The following LUC7L2 variants were observed in gnomAD, a reference collection of about 807,000 sequenced individuals.
LUC7L2 encodes LUC7 like 2, pre-mRNA splicing factor, also known as putative RNA-binding protein Luc7-like 2.
Under a neutral mutation model 52.8 loss-of-function variants are expected in LUC7L2, and 25 were observed. That is an observed-to-expected ratio of 0.47 (90% CI 0.34 to 0.66). The LOEUF is 0.66. LUC7L2 is among the 30% of genes least tolerant of loss of function. LUC7L2 has a pLI of 0.01. For synonymous variants in LUC7L2, 144 were observed against 160.9 expected, an observed-to-expected ratio of 0.89 and a Z score of 0.80; for missense variants, 328 against 497.8, an observed-to-expected ratio of 0.66 and a Z score of 3.25.
chr7:139,413,046 C>T (rs1795438209), intron 8 of LUC7L2, among the ~76,000 whole-genome samples: 1 of 152,158 alleles, frequency 6.6e-6, no homozygotes, highest in Non-Finnish European at 1.5e-5. Context: ...GTTTAGTATA[C>T]CCTCCAGTCT....
chr7:139,397,295 C>T lies in LUC7L2; in HGVS notation c.157-1304C>T, dbSNP rs866227016. On this transcript the variant is annotated intron_variant, in intron 2 of 9. Coordinates refer to ENST00000354926, the MANE Select transcript of LUC7L2 (RefSeq NM_016019.5). ...TTTAGATCCAGTTTAATTGTATCCT[C>T]TTCAGAAAGGTCTTCTCTGACCAAC... Among the ~76,000 whole-genome samples, 4 of 152,210 alleles carry T rather than the reference C, an allele frequency of 2.6e-5. No individual in the cohort carries two copies. In the South Asian group the frequency reaches 8.3e-4, roughly 31 times the overall value.
intron 2 of LUC7L2, among the ~76,000 whole-genome samples, chr7:139,397,649 A>G (rs1483090730): frequency 1.3e-5 from 2 of 152,202 alleles, no homozygotes; most frequent in Non-Finnish European, 2.9e-5. Flanking sequence ...TCATACCTGT[A>G]ATGATCCTTG....
At chr7:139,399,614 C>T (rs1284103065) in intron 3 of LUC7L2, among the ~76,000 whole-genome samples, 3 of 151,558 alleles carry the variant, frequency 2.0e-5, no homozygotes, top group East Asian at 1.9e-4. Flanking sequence ...GGACTACAGG[C>T]GCCTGCCACC....
intron 3 of LUC7L2, among the ~76,000 whole-genome samples, 185 bp from the exon 4 acceptor site, chr7:139,401,952 C>T (rs1302703171): frequency 6.6e-6 from 1 of 152,028 alleles, no homozygotes; most frequent in Non-Finnish European, 1.5e-5. Context: ...AGAGTTTCGC[C>T]AAGTTGGCCA....
intron 2 of LUC7L2, among the ~76,000 whole-genome samples, chr7:139,389,767 A>G (rs1443000221): frequency 6.6e-6 from 1 of 152,224 alleles, no homozygotes; most frequent in Non-Finnish European, 1.5e-5. Context: ...TGGGGCTGTT[A>G]CAATGATCAA....
chr7:139,382,412 T>A (rs1801080149), intron 2 of LUC7L2, among the ~76,000 whole-genome samples: 1 of 151,322 alleles, frequency 6.6e-6, no homozygotes, highest in Non-Finnish European at 1.5e-5. Context: ...TGAGACAGTC[T>A]CTCCCTGTCA....
chr7:139,402,044 G>A (rs768666898), intron 3 of LUC7L2, 93 bp from the exon 4 acceptor site: 84 of 1,345,368 alleles, frequency 6.2e-5, no homozygotes, highest in Non-Finnish European at 8.0e-5. Context: ...CACCATGGTA[G>A]CATTTTAAAA....
chr7:139,375,477 G>T (rs1026857998), intron 1 of LUC7L2: 1 of 985,290 alleles, frequency 1.0e-6, no homozygotes, highest in Non-Finnish European at 1.2e-6. Flanking sequence ...TCTTAAACGC[G>T]TTATTCTACC....
chr7:139,405,613 A>T (rs745527041), intron 4 of LUC7L2, 31 bp from the exon 5 acceptor site: 2 of 1,564,184 alleles, frequency 1.3e-6, no homozygotes, highest in African/African-American at 1.4e-5. Flanking sequence ...TCTCTTGTTT[A>T]TTCATGATCT....
intron 1 of LUC7L2, chr7:139,345,627 C>T (rs1167860749): frequency 9.3e-6 from 15 of 1,613,960 alleles, no homozygotes; most frequent in African/African-American, 5.3e-5. Context: ...CAAGGGTGAG[C>T]GCTCGGTGGA....
intron 4 of LUC7L2, among the ~76,000 whole-genome samples, chr7:139,402,941 C>A (rs1053515223): frequency 2.0e-5 from 3 of 152,178 alleles, no homozygotes; most frequent in Admixed American, 6.6e-5. Flanking sequence ...TCTTTACCCC[C>A]ACCCAGCATC....
intron 1 of LUC7L2, among the ~76,000 whole-genome samples, chr7:139,350,184 C>T (rs942572570): frequency 7.9e-5 from 12 of 152,046 alleles, no homozygotes; most frequent in South Asian, 2.1e-4. Flanking sequence ...TGCAGTGGCG[C>T]GATCTCTGCT....
Position 139,361,963 on chromosome 7 carries a change from A to G in LUC7L2, c.61+1641A>G, listed in dbSNP as rs114932438. Among the ~76,000 whole-genome samples, 381 of 152,312 alleles carry G rather than the reference A, an allele frequency of 2.5e-3. 3 individuals carry two copies. The highest frequency in any genetic ancestry group is 8.7e-3 in the African/African-American group (362 of 41,562). ...GAGGGTAGTTGGATCAAGGTAAACCATCTCCTGATAAGTTTCTGAATTAGG... is the reference window on the plus strand; with the variant it reads ...GAGGGTAGTTGGATCAAGGTAAACCGTCTCCTGATAAGTTTCTGAATTAGG... On this transcript the variant is annotated intron_variant, in intron 1 of 9. Coordinates refer to ENST00000354926, the MANE Select transcript of LUC7L2 (RefSeq NM_016019.5).
intron 2 of LUC7L2, among the ~76,000 whole-genome samples, chr7:139,397,879 G>A (rs535852800): frequency 2.0e-5 from 3 of 152,246 alleles, no homozygotes; most frequent in African/African-American, 7.2e-5. Flanking sequence ...CTTATTATAA[G>A]TGGGATTAAA....
At chr7:139,341,575 G>T (rs776281314) in intron 1 of LUC7L2, 4 of 1,591,830 alleles carry the variant, frequency 2.5e-6, no homozygotes, top group African/African-American at 2.7e-5. Context: ...AGGAAGAGCC[G>T]GGTCTGGGCT....
intron 2 of LUC7L2, among the ~76,000 whole-genome samples, chr7:139,378,803 C>A (rs1486958690): frequency 6.6e-6 from 1 of 152,132 alleles, no homozygotes; most frequent in Admixed American, 6.5e-5. Flanking sequence ...CTTAAGGACA[C>A]CATTGTATGA....
chr7:139,383,124 T>A (rs1801123790), intron 2 of LUC7L2, among the ~76,000 whole-genome samples: 1 of 151,896 alleles, frequency 6.6e-6, no homozygotes, highest in Admixed American at 6.6e-5. Flanking sequence ...TTTATTTATT[T>A]ATTTTTTTGA....
In LUC7L2 at chr7:139,381,878, ATTTTTTT is replaced by A. The variant is rs57302073; in HGVS notation, c.156+5741_156+5747del. ...GGCATGAGCCACTGCGCCTGGCCTAATTTTTTTTTTTTTTTTTTTTTTTTTGAGTCAG... is the reference window on the plus strand; with the variant it reads ...GGCATGAGCCACTGCGCCTGGCCTAATTTTTTTTTTTTTTTTTTGAGTCAG... On this transcript the variant is annotated intron_variant, in intron 2 of 9. Coordinates refer to ENST00000354926, the MANE Select transcript of LUC7L2 (RefSeq NM_016019.5). Among the ~76,000 whole-genome samples, 975 of 105,154 alleles carry A rather than the reference ATTTTTTT, an allele frequency of 9.3e-3. 2 individuals carry two copies. Among genetic ancestry groups the A allele is most frequent in the Admixed American group, 0.014 (114 of 7,948 alleles). The allele number at this position is 105,154 out of a possible 152,430, so 69.0% of individuals were successfully genotyped here.
chr7:139,363,372 T>C (rs891433489), intron 1 of LUC7L2: 1 of 389,384 alleles, frequency 2.6e-6, no homozygotes, highest in African/African-American at 2.2e-5. Context: ...TAAGGCATCA[T>C]GGGCTAAGGA....
Sources: gnomAD v4.1 joint callset for allele counts (sites outside exome capture counted in the v4.1 genomes callset) on GRCh38, gnomAD v4.1.1 for gene constraint, MANE v1.5 for transcripts, NCBI Gene and HGNC (gene_info 2026-07-23, HGNC 2026-07-21) for gene names.